Variants in BCAS3 observed in about 807,000 individuals in gnomAD.
BCAS3 encodes the protein BCAS3 microtubule associated cell migration factor.
A neutral mutation model predicts 116.1 loss-of-function variants in BCAS3; 53 were observed. The observed-to-expected ratio is 0.46, with a 90% CI of 0.37 to 0.57. The LOEUF (loss-of-function observed/expected upper bound fraction) is 0.57. Ranked by LOEUF, BCAS3 falls within the 20% of genes least tolerant of loss-of-function variation. The pLI is 0.00. For synonymous variants in BCAS3, 391 were observed against 408.2 expected (o/e 0.96, Z 0.51); for missense variants, 917 against 1,165.4 (o/e 0.79, Z 3.10).
At chr17:60,849,932 A>AT (rs1476917576) in intron 7 of BCAS3, among the ~76,000 whole-genome samples, 1 of 151,848 alleles carries the variant, frequency 6.6e-6, no homozygotes, top group Non-Finnish European at 1.5e-5. Flanking sequence ...CTGATTTTTT[A>AT]TTTTTTGTAG....
intron 19 of BCAS3, among the ~76,000 whole-genome samples, chr17:61,046,922 G>A (rs1421415872): frequency 1.3e-5 from 2 of 151,876 alleles, no homozygotes; most frequent in African/African-American, 4.8e-5. Context: ...GAGTAGGAGA[G>A]CAGGATGTTT....
chr17:60,978,307 GAA>G (rs2062558467), intron 14 of BCAS3, among the ~76,000 whole-genome samples: 1 of 146,356 alleles, frequency 6.8e-6, no homozygotes, highest in Admixed American at 6.7e-5. Flanking sequence ...CTTCTTTTGA[GAA>G]GTGTCTGTTC....
chr17:61,020,687 T>C lies in BCAS3; in HGVS notation c.1637+4786T>C, dbSNP rs567834022. 2.6e-3 allele frequency among the ~76,000 whole-genome samples: 392 copies of C among 152,344 alleles called. 3 individuals are homozygous for C. The highest frequency in any genetic ancestry group is 0.01 in the Middle Eastern group (3 of 294). ...GTAGGGATTTATTAGCAGCATTTCATAGATGTTTGGCATTATCAAGTGAGT... is the reference window on the plus strand; with the variant it reads ...GTAGGGATTTATTAGCAGCATTTCACAGATGTTTGGCATTATCAAGTGAGT... On this transcript the variant is annotated intron_variant, in intron 16 of 23. Coordinates refer to ENST00000407086, the MANE Select transcript of BCAS3 (RefSeq NM_017679.5). This position sits in a 1 kb window ranked among gnomAD's most constrained non-coding sequence, Gnocchi z 4.5.
rs1009941132 is a variant in BCAS3, at chr17:61,118,282, G to A, written c.2425+33718G>A. Among the ~76,000 whole-genome samples, 2 of 152,094 alleles carry A rather than the reference G, an allele frequency of 1.3e-5. No homozygotes were observed. Among genetic ancestry groups the A allele is most frequent in the Non-Finnish European group, 2.9e-5 (2 of 68,018 alleles). On this transcript the variant is annotated intron_variant, in intron 22 of 23. Transcript: ENST00000407086. The surrounding 1 kb of genome is among the most constrained non-coding windows in gnomAD (Gnocchi z 5.0). ...ACTACTTGGGAGAGATGGAAGTCCC[G>A]GCTCCCAACGTAGTCTCCAATGACA... is the stretch of plus-strand genomic sequence containing the variant.
chr17:61,179,841 TG>T (rs1398403379), intron 22 of BCAS3, among the ~76,000 whole-genome samples: 1 of 150,160 alleles, frequency 6.7e-6, no homozygotes, highest in Non-Finnish European at 1.5e-5. Context: ...AGAAAACTAC[TG>T]GTAAAATATC....
chr17:60,873,372 A>G (rs1298575931), intron 8 of BCAS3, among the ~76,000 whole-genome samples: 6 of 152,208 alleles, frequency 3.9e-5, no homozygotes, highest in Non-Finnish European at 8.8e-5. Flanking sequence ...TGCATATGAA[A>G]TAATACATTT....
At chr17:60,747,399 TC>T in intron 6 of BCAS3, 120 bp downstream of exon 6, 1 of 716,414 alleles carries the variant, frequency 1.4e-6, no homozygotes. Context: ...CCATTCCCCT[TC>T]CCCACCTCCC....
chr17:60,933,434 A>G (rs557764266), intron 13 of BCAS3, among the ~76,000 whole-genome samples: 2 of 152,284 alleles, frequency 1.3e-5, no homozygotes, highest in African/African-American at 4.8e-5. Context: ...ATTTTAAATA[A>G]TTACCCCTCC....
intron 22 of BCAS3, among the ~76,000 whole-genome samples, chr17:61,133,370 T>A (rs759754017): frequency 1.1e-4 from 16 of 152,156 alleles, no homozygotes; most frequent in Non-Finnish European, 2.9e-5. Context: ...AAGGTCAGGG[T>A]CTGAGTTAGG....
intron 12 of BCAS3, among the ~76,000 whole-genome samples, chr17:60,911,248 G>A (rs886414800): frequency 5.4e-5 from 8 of 148,952 alleles, no homozygotes; most frequent in African/African-American, 9.9e-5. Context: ...TCAGCCTCCC[G>A]AGTAGCTGGG....
intron 10 of BCAS3, among the ~76,000 whole-genome samples, chr17:60,895,138 G>A (rs1269456568): frequency 2.0e-5 from 3 of 152,076 alleles, no homozygotes; most frequent in Non-Finnish European, 4.4e-5. Context: ...AGGAAAATTG[G>A]TGATCTCTTT....
chr17:61,103,166 A>C lies in BCAS3; in HGVS notation c.2425+18602A>C, dbSNP rs574174477. The stretch of plus-strand genomic sequence containing the variant: ...ATTCTCTTGTACCCGCATCCCTACC[A>C]TTCAGTTCTTCCCTTCTTAGATTAT... On this transcript the variant is annotated intron_variant, in intron 22 of 23. Transcript: ENST00000407086. Among the ~76,000 whole-genome samples the C allele has an allele frequency of 3.9e-5, 6 of 152,260 alleles. No individual in the cohort carries two copies. In the East Asian group the frequency reaches 1.2e-3, roughly 29 times the overall value.
In BCAS3 at chr17:61,364,884, G is replaced by A. The variant is rs1465215766; in HGVS notation, c.2426-3443G>A. Among the ~76,000 whole-genome samples the A allele has an allele frequency of 6.6e-6, 1 of 152,146 alleles. No homozygotes were observed. The highest frequency in any genetic ancestry group is 2.4e-5 in the African/African-American group (1 of 41,434). ...AGCTTCCAGTTTCACCACCATAAAT[G>A]GGGGATAGTACCTCTACGACCTCTC... is the stretch of plus-strand genomic sequence containing the variant. On this transcript the variant is annotated intron_variant, in intron 22 of 23. Coordinates refer to ENST00000407086, the MANE Select transcript of BCAS3 (RefSeq NM_017679.5). This position sits in a 1 kb window ranked among gnomAD's most constrained non-coding sequence, Gnocchi z 5.4.
intron 19 of BCAS3, among the ~76,000 whole-genome samples, chr17:61,043,996 C>T (rs561952190): frequency 1.1e-4 from 17 of 152,096 alleles, no homozygotes; most frequent in African/African-American, 3.6e-4. Context: ...CTCCACTACT[C>T]AGTGATTCGC....
rs894975185 is a variant in BCAS3, at chr17:60,762,716, T to C, written c.403+15437T>C. 1.6e-3 allele frequency among the ~76,000 whole-genome samples: 246 copies of C among 152,306 alleles called. 1 individual carries two copies. Among genetic ancestry groups the C allele is most frequent in the African/African-American group, 5.6e-3 (234 of 41,568 alleles). ...TGATTCCATATGAACTTTAAAGTAGTTTTTTCCAATTCTGTAAAGAAAGTC... is the reference window on the plus strand; with the variant it reads ...TGATTCCATATGAACTTTAAAGTAGCTTTTTCCAATTCTGTAAAGAAAGTC... On this transcript the variant is annotated intron_variant, in intron 6 of 23. Transcript: ENST00000407086.
chr17:61,191,372 T>G (rs1383825065), intron 22 of BCAS3, among the ~76,000 whole-genome samples: 3 of 152,010 alleles, frequency 2.0e-5, no homozygotes, highest in Non-Finnish European at 4.4e-5. Context: ...ATAAAACAAT[T>G]AAAAAATTTA....
chr17:61,333,492 G>C lies in BCAS3; in HGVS notation c.2426-34835G>C, dbSNP rs1401028999. On this transcript the variant is annotated intron_variant, in intron 22 of 23. Transcript: ENST00000407086. This position sits in a 1 kb window ranked among gnomAD's most constrained non-coding sequence, Gnocchi z 4.8. ...TGTCCACTCACATTGTGGCGCCCCCGACCCTTGCCAATCCCGTGCAAACCA... is the reference window on the plus strand; with the variant it reads ...TGTCCACTCACATTGTGGCGCCCCCCACCCTTGCCAATCCCGTGCAAACCA... 6.6e-6 allele frequency among the ~76,000 whole-genome samples: 1 copy of C among 152,074 alleles called. No homozygotes were observed. Among genetic ancestry groups the C allele is most frequent in the Non-Finnish European group, 1.5e-5 (1 of 68,020 alleles).
chr17:60,905,044 C>A (rs1258543643), intron 11 of BCAS3, among the ~76,000 whole-genome samples: 3 of 152,032 alleles, frequency 2.0e-5, no homozygotes, highest in Non-Finnish European at 2.9e-5. Context: ...ACACTACAGT[C>A]CAAATCAATG....
chr17:60,966,621 GA>G, intron 14 of BCAS3, among the ~76,000 whole-genome samples: 1 of 147,292 alleles, frequency 6.8e-6, no homozygotes, highest in East Asian at 2.0e-4. Flanking sequence ...CAGGCATAAA[GA>G]ACATGTAAAA....
Sources: gnomAD v4.1 joint callset for allele counts (sites outside exome capture counted in the v4.1 genomes callset) on GRCh38, gnomAD v4.1.1 for gene constraint, Gnocchi (gnomAD v3.1) non-coding constraint, MANE v1.5 for transcripts, NCBI Gene and HGNC (gene_info 2026-07-23, HGNC 2026-07-21) for gene names.